Variants in DLGAP2 observed in about 807,000 individuals in gnomAD.
The protein encoded by DLGAP2 is disks large-associated protein 2.
Under a neutral mutation model 100.3 loss-of-function variants are expected in DLGAP2, and 26 were observed. That is an observed-to-expected ratio of 0.26 (90% CI 0.19 to 0.36). The LOEUF is 0.36. Ranked by LOEUF, DLGAP2 falls within the 10% of genes least tolerant of loss-of-function variation. DLGAP2 has a pLI of 1.00. For synonymous variants in DLGAP2, 886 were observed against 630.1 expected, an observed-to-expected ratio of 1.41 and a Z score of -6.08; for missense variants, 1,858 against 1,453.2, an observed-to-expected ratio of 1.28 and a Z score of -4.53.
chr8:1,021,095 C>G (rs1801611271), intron 2 of DLGAP2, among the ~76,000 whole-genome samples: 1 of 152,158 alleles, frequency 6.6e-6, no homozygotes, highest in African/African-American at 2.4e-5. Flanking sequence ...AGTTTTGTTC[C>G]TATGATGGTC....
intron 2 of DLGAP2, among the ~76,000 whole-genome samples, chr8:1,126,036 T>A (rs533558407): frequency 9.5e-4 from 144 of 152,356 alleles, no homozygotes; most frequent in African/African-American, 3.3e-3. Context: ...ACTGTTTGTG[T>A]ATCCCCTGCC....
At chr8:1,241,200 AGCC>A (rs1798787188) in intron 2 of DLGAP2, among the ~76,000 whole-genome samples, 1 of 11,448 alleles carries the variant, frequency 8.7e-5, no homozygotes, top group Admixed American at 1.3e-3. Flanking sequence ...TCTCACATGG[AGCC>A]ATGTCTAATT....
chr8:1,374,082 G>A (rs975080945), intron 3 of DLGAP2, among the ~76,000 whole-genome samples: 3 of 151,670 alleles, frequency 2.0e-5, no homozygotes, highest in African/African-American at 4.9e-5. Flanking sequence ...CTGTGTGGTG[G>A]AGGTTAGGTT....
chr8:1,284,783 C>T (rs573245380), intron 3 of DLGAP2, among the ~76,000 whole-genome samples: 2 of 152,220 alleles, frequency 1.3e-5, no homozygotes, highest in African/African-American at 4.8e-5. Context: ...AGCTAATTTG[C>T]GTGTTTATTG....
In DLGAP2 at chr8:1,448,229, G is replaced by T. The variant is rs948326424; in HGVS notation, c.107-53137G>T. On this transcript the variant is annotated intron_variant, in intron 3 of 14. Transcript: ENST00000637795. ...GCTTTCTTTTGTGGGCATTTAGTGC[G>T]GTAAATTTCCCTCTACACACTGCTT... Among the ~76,000 whole-genome samples the T allele has an allele frequency of 4.9e-4, 74 of 151,956 alleles. 1 individual carries two copies. Among genetic ancestry groups the T allele is most frequent in the South Asian group, 2.1e-4 (1 of 4,782 alleles).
chr8:1,484,932 C>G (rs886112890), intron 3 of DLGAP2, among the ~76,000 whole-genome samples: 1 of 152,180 alleles, frequency 6.6e-6, no homozygotes, highest in Non-Finnish European at 1.5e-5. Context: ...GCTGTCTGCC[C>G]CCTAGGACCT....
intron 2 of DLGAP2, among the ~76,000 whole-genome samples, chr8:1,054,270 GGACACACACGCA>G (rs1802812083): frequency 6.6e-6 from 1 of 151,412 alleles, no homozygotes; most frequent in South Asian, 2.1e-4. Context: ...GCACACACAC[GGACACACACGCA>G]CACACACACA....
intron 2 of DLGAP2, among the ~76,000 whole-genome samples, chr8:1,110,578 A>G (rs1344555997): frequency 6.6e-6 from 1 of 151,950 alleles, no homozygotes; most frequent in South Asian, 2.1e-4. Context: ...TGAAGTGTGC[A>G]TGGGTCTTCA....
chr8:1,374,526 A>G (rs926752943), intron 3 of DLGAP2, among the ~76,000 whole-genome samples: 37 of 152,278 alleles, frequency 2.4e-4, no homozygotes, highest in African/African-American at 8.4e-4. Context: ...TTTACTTAAC[A>G]AAGGGCATTC....
chr8:1,607,711 G>A (rs892554056), intron 6 of DLGAP2, among the ~76,000 whole-genome samples: 3 of 152,352 alleles, frequency 2.0e-5, no homozygotes, highest in South Asian at 4.1e-4. Context: ...AGCAGGGCGA[G>A]GCATTGCCTC....
intron 2 of DLGAP2, among the ~76,000 whole-genome samples, chr8:1,110,196 G>T (rs1804905278): frequency 8.1e-6 from 1 of 124,192 alleles, no homozygotes; most frequent in Admixed American, 7.9e-5. Flanking sequence ...TCTGTGACAT[G>T]TGCTGGATCT....
chr8:869,461 G>A (rs886788611), intron 1 of DLGAP2, among the ~76,000 whole-genome samples: 1 of 152,168 alleles, frequency 6.6e-6, no homozygotes, highest in African/African-American at 2.4e-5. Flanking sequence ...TTTGTACGCT[G>A]AGGGCTCAAA....
At chr8:982,463 T>A (rs1189736808) in intron 2 of DLGAP2, among the ~76,000 whole-genome samples, 1 of 152,228 alleles carries the variant, frequency 6.6e-6, no homozygotes, top group Non-Finnish European at 1.5e-5. Context: ...TCTCTGTGCC[T>A]AGACCCACAA....
chr8:996,664 C>A (rs1389143373), intron 2 of DLGAP2, among the ~76,000 whole-genome samples: 1 of 152,136 alleles, frequency 6.6e-6, no homozygotes, highest in African/African-American at 2.4e-5. Flanking sequence ...TAGTTTTCAG[C>A]CTTTAAAATA....
At chr8:1,467,895 C>T (rs1410100188) in intron 3 of DLGAP2, among the ~76,000 whole-genome samples, 2 of 152,204 alleles carry the variant, frequency 1.3e-5, no homozygotes, top group Admixed American at 6.5e-5. Context: ...GAGGCCACCA[C>T]ATCATACAGC....
intron 1 of DLGAP2, among the ~76,000 whole-genome samples, chr8:828,534 G>A (rs1327399897): frequency 6.6e-6 from 1 of 152,072 alleles, no homozygotes; most frequent in Non-Finnish European, 1.5e-5. Context: ...TCTTTTTTCA[G>A]GGTGCCCACA....
intron 4 of DLGAP2, among the ~76,000 whole-genome samples, chr8:1,516,040 A>C (rs1800362604): frequency 6.9e-6 from 1 of 144,466 alleles, no homozygotes; most frequent in Admixed American, 6.9e-5. Context: ...TGAATGAGTA[A>C]CTGAGTGAAT....
chr8:1,624,535 G>C (rs369973791), intron 6 of DLGAP2, among the ~76,000 whole-genome samples: 5 of 151,720 alleles, frequency 3.3e-5, no homozygotes, highest in Non-Finnish European at 5.9e-5. Context: ...CCTGAAACTT[G>C]TGACCGTGTC....
chr8:1,017,627 G>T (rs1224447393), intron 2 of DLGAP2, among the ~76,000 whole-genome samples: 3 of 145,244 alleles, frequency 2.1e-5, no homozygotes, highest in Non-Finnish European at 4.7e-5. Context: ...TCCACTGTGT[G>T]TGTGACCGGG....
Sources: allele counts gnomAD v4.1 joint callset (sites outside exome capture counted in the v4.1 genomes callset), GRCh38; gene constraint gnomAD v4.1.1; transcripts MANE v1.5; gene names NCBI Gene and HGNC (gene_info 2026-07-23, HGNC 2026-07-21).